Variants in EYS observed in about 807,000 individuals in gnomAD.
EYS encodes EGF-like photoreceptor maintenance factor, also known as protein eyes shut homolog.
A neutral mutation model predicts 282.1 loss-of-function variants in EYS; 250 were observed. The ratio of observed to expected loss-of-function variants is 0.89; its 90% CI spans 0.80 to 0.98. EYS has a LOEUF of 0.98. Ranked by LOEUF, EYS falls within the 50% of genes least tolerant of loss-of-function variation. The pLI is 0.00. For synonymous variants in EYS, 1,355 were observed against 1,282.9 expected (o/e 1.06, Z -1.20); for missense variants, 4,016 against 3,709.0 (o/e 1.08, Z -2.15).
At chr6:64,393,431 C>A (rs1773235186) in intron 28 of EYS, among the ~76,000 whole-genome samples, 1 of 152,174 alleles carries the variant, frequency 6.6e-6, no homozygotes, top group Admixed American at 6.5e-5. Flanking sequence ...AGCTTATCCA[C>A]CATGATCAAG....
chr6:63,782,641 TTTC>T (rs1770261292), intron 39 of EYS, among the ~76,000 whole-genome samples: 1 of 152,176 alleles, frequency 6.6e-6, no homozygotes, highest in Admixed American at 6.5e-5. Flanking sequence ...TCTTCTCTCT[TTTC>T]TTCTTTATTA....
intron 12 of EYS, among the ~76,000 whole-genome samples, chr6:65,110,468 G>A (rs1480278405): frequency 6.6e-6 from 1 of 152,080 alleles, no homozygotes; most frequent in Non-Finnish European, 1.5e-5. Flanking sequence ...AAGGTGGAAG[G>A]TAAAACTTTA....
chr6:64,005,798 G>C (rs190645068), intron 33 of EYS, among the ~76,000 whole-genome samples: 2 of 151,882 alleles, frequency 1.3e-5, no homozygotes, highest in East Asian at 3.9e-4. Context: ...ATTACTTCTG[G>C]GCTCTCTATT....
chr6:64,144,584 A>G (rs1774448169), intron 31 of EYS, among the ~76,000 whole-genome samples: 1 of 152,096 alleles, frequency 6.6e-6, no homozygotes, highest in African/African-American at 2.4e-5. Context: ...CTTGTTTTCC[A>G]CGTTCTCCTA....
intron 26 of EYS, among the ~76,000 whole-genome samples, chr6:64,572,966 G>C (rs927275969): frequency 6.6e-6 from 1 of 152,064 alleles, no homozygotes; most frequent in African/African-American, 2.4e-5. Flanking sequence ...GTATAGCCAA[G>C]ACAATCCTAA....
At chr6:65,012,661 AAT>A (rs1771910553) in intron 13 of EYS, among the ~76,000 whole-genome samples, 2 of 151,216 alleles carry the variant, frequency 1.3e-5, no homozygotes, top group African/African-American at 2.5e-5. Context: ...CCACAAGAAA[AAT>A]AGTAAGGGGG....
rs547652158 is a variant in EYS at position 65,599,893 on chromosome 6, T to G, written c.-333+39885A>C. On this transcript the variant is annotated intron_variant, in intron 2 of 42. Coordinates refer to ENST00000503581, the MANE Select transcript of EYS (RefSeq NM_001142800.2). ...CTTGAGTGCTATGTCCTCAGATTTC[T>G]ACGGTTTCCAAAGAATTGGTTATGT... 2.6e-5 allele frequency among the ~76,000 whole-genome samples: 4 copies of G among 152,218 alleles called. No homozygotes were observed. In the South Asian group the frequency reaches 8.3e-4, roughly 32 times the overall value.
At chr6:64,583,116 C>A (rs1312810210) in intron 26 of EYS, among the ~76,000 whole-genome samples, 1 of 152,102 alleles carries the variant, frequency 6.6e-6, no homozygotes, top group Admixed American at 6.6e-5. Context: ...TTCTGAGTGA[C>A]TTTTAATGTA....
chr6:63,817,745 G>A (rs1310455678), intron 36 of EYS, among the ~76,000 whole-genome samples: 10 of 152,178 alleles, frequency 6.6e-5, no homozygotes, highest in Non-Finnish European at 1.3e-4. Flanking sequence ...CTCCTTTCAC[G>A]TAGGGGAAGC....
intron 12 of EYS, among the ~76,000 whole-genome samples, chr6:65,181,892 GT>G (rs1416016292): frequency 2.0e-5 from 3 of 152,058 alleles, no homozygotes; most frequent in Non-Finnish European, 4.4e-5. Context: ...AAAATGATGA[GT>G]TCATGTCCTT....
intron 24 of EYS, among the ~76,000 whole-genome samples, chr6:64,611,529 G>A (rs969333132): frequency 6.6e-6 from 1 of 152,110 alleles, no homozygotes; most frequent in East Asian, 1.9e-4. Context: ...CACATTATTT[G>A]TCTCTTCCAT....
At chr6:65,218,315 C>T (rs899217558) in intron 12 of EYS, among the ~76,000 whole-genome samples, 3 of 151,986 alleles carry the variant, frequency 2.0e-5, no homozygotes, top group Non-Finnish European at 4.4e-5. Flanking sequence ...AAGTCAATTA[C>T]AGGAAAAAAA....
At chr6:63,910,187 T>C (rs1009561317) in intron 35 of EYS, among the ~76,000 whole-genome samples, 2 of 152,078 alleles carry the variant, frequency 1.3e-5, no homozygotes, top group African/African-American at 4.8e-5. Context: ...AATATTTTGC[T>C]CCCCACAAGT....
At chr6:65,300,607 C>T (rs976597627) in intron 11 of EYS, among the ~76,000 whole-genome samples, 3 of 152,058 alleles carry the variant, frequency 2.0e-5, no homozygotes, top group African/African-American at 7.2e-5. Context: ...GCTTGGCTCT[C>T]CACTTATATT....
intron 25 of EYS, 119 bp downstream of exon 25, chr6:64,592,998 C>A: frequency 1.5e-6 from 1 of 673,212 alleles, no homozygotes; most frequent in South Asian, 2.8e-5. Context: ...CTTAATTTTA[C>A]ACCCCTAAAA....
At chr6:65,465,967 T>TATCAATCAATCA (rs34867855) in intron 5 of EYS, among the ~76,000 whole-genome samples, 2 of 150,446 alleles carry the variant, frequency 1.3e-5, no homozygotes, top group Non-Finnish European at 3.0e-5. Flanking sequence ...TAAGACCCTG[T>TATCAATCAATCA]ATCAATCAAT....
At chr6:64,827,269 G>A (rs1322515959) in intron 19 of EYS, among the ~76,000 whole-genome samples, 2 of 151,520 alleles carry the variant, frequency 1.3e-5, no homozygotes, top group African/African-American at 4.8e-5. Flanking sequence ...TTTTTTATTT[G>A]AGGTCTTACA....
chr6:65,329,244 A>T, intron 11 of EYS: 1 of 563,658 alleles, frequency 1.8e-6, no homozygotes, highest in African/African-American at 2.0e-5. Context: ...TAGATGAGTT[A>T]AATTTCAACC....
At chr6:63,827,243 C>T (rs1771494353) in intron 36 of EYS, among the ~76,000 whole-genome samples, 1 of 152,162 alleles carries the variant, frequency 6.6e-6, no homozygotes, top group Non-Finnish European at 1.5e-5. Context: ...AACACATACG[C>T]ACCTAACACT....
Sources: gnomAD v4.1 joint callset for allele counts (sites outside exome capture counted in the v4.1 genomes callset) on GRCh38, gnomAD v4.1.1 for gene constraint, MANE v1.5 for transcripts, NCBI Gene and HGNC (gene_info 2026-07-23, HGNC 2026-07-21) for gene names.